Variants in FBXO7 observed in about 807,000 individuals in gnomAD.
The protein encoded by FBXO7 is F-box protein 7.
In FBXO7, 31 loss-of-function variants were observed where a neutral mutation model predicts 50.2. That is an observed-to-expected ratio of 0.62 (90% CI 0.46 to 0.83). FBXO7 has a LOEUF of 0.83. FBXO7 is among the 40% of genes least tolerant of loss of function. The probability of loss-of-function intolerance (pLI) is 0.00; values close to 1 mark genes in which losing one functional copy is unlikely to be tolerated. For synonymous variants in FBXO7, 256 were observed against 253.1 expected (o/e 1.01, Z -0.11); for missense variants, 667 against 646.6 (o/e 1.03, Z -0.34).
intron 4 of FBXO7, among the ~76,000 whole-genome samples, chr22:32,486,838 G>A (rs1406082724): frequency 6.6e-6 from 1 of 152,170 alleles, no homozygotes; most frequent in Non-Finnish European, 1.5e-5. Flanking sequence ...TACACAGAGT[G>A]TCAACAGTTT....
chr22:32,476,858 T>C (rs896891478), intron 1 of FBXO7, among the ~76,000 whole-genome samples: 1 of 152,220 alleles, frequency 6.6e-6, no homozygotes, highest in Non-Finnish European at 1.5e-5. Flanking sequence ...GGTAGAATCC[T>C]GGAAAACTAT....
intron 1 of FBXO7, 118 bp from the exon 2 acceptor site, chr22:32,478,863 T>C (rs1410563257): frequency 1.1e-5 from 11 of 1,001,130 alleles, no homozygotes; most frequent in Non-Finnish European, 1.7e-5. Flanking sequence ...TGAGACCTTG[T>C]CTCTTCATCA....
At chr22:32,485,874 T>G (rs2057495433) in intron 4 of FBXO7, among the ~76,000 whole-genome samples, 1 of 152,260 alleles carries the variant, frequency 6.6e-6, no homozygotes, top group South Asian at 2.1e-4. Context: ...CCTAGTGTTC[T>G]GTCATAATCA....
At chr22:32,488,390 T>G (rs1327935121) in intron 5 of FBXO7, 2 of 152,934 alleles carry the variant, frequency 1.3e-5, no homozygotes, top group African/African-American at 4.8e-5. Context: ...AAGACAGGTT[T>G]TCCCTTTTAT....
intron 1 of FBXO7, chr22:32,475,377 G>T (rs1455432568): frequency 3.7e-6 from 6 of 1,610,216 alleles, no homozygotes; most frequent in Non-Finnish European, 5.1e-6. Flanking sequence ...CCGGCCTCCC[G>T]GGGGCTCTGG....
In FBXO7 at chr22:32,493,177, T is replaced by C; in HGVS notation, c.1040T>C (p.Leu347Pro). 4.3e-6 allele frequency: 7 copies of C among 1,614,228 alleles called. No homozygotes were observed. The highest frequency in any genetic ancestry group is 5.9e-6 in the Non-Finnish European group (7 of 1,180,020). Residue 347 changes from leucine to proline, a missense_variant, in exon 7 of 9, where the codon CTG becomes CCG. Transcript: ENST00000266087. Reference sequence around the variant, plus strand: ...CTGAAACTACGGATCTTCCGACTTCTGGATGTTCGTTCCGTCTTGTCTTTG... The same window carrying C: ...CTGAAACTACGGATCTTCCGACTTCCGGATGTTCGTTCCGTCTTGTCTTTG... ...LELKLRIFRL[L>P]DVRSVLSLSA...
chr22:32,480,674 CT>C (rs369355883), intron 2 of FBXO7, among the ~76,000 whole-genome samples: 2,751 of 144,884 alleles, frequency 0.019, 76 homozygotes, highest in African/African-American at 0.058. Flanking sequence ...TTTTTCCCAC[CT>C]TTTTTTTTTT....
intron 3 of FBXO7, among the ~76,000 whole-genome samples, chr22:32,484,762 A>G (rs969637296): frequency 9.2e-5 from 14 of 152,244 alleles, no homozygotes; most frequent in African/African-American, 3.4e-4. Context: ...GGAGTTTTAA[A>G]TAATCATATG....
chr22:32,483,381 G>A (rs1037745887), intron 2 of FBXO7, among the ~76,000 whole-genome samples: 26 of 152,212 alleles, frequency 1.7e-4, no homozygotes, highest in African/African-American at 5.5e-4. Context: ...TTATGTTGGG[G>A]AGGTACTGGT....
Position 32,491,101 on chromosome 22 carries a change from A to G in FBXO7, c.887A>G (p.Asn296Ser). 4 of 1,612,864 alleles carry G rather than the reference A, an allele frequency of 2.5e-6. No homozygotes were observed. The highest frequency in any genetic ancestry group is 1.3e-5 in the African/African-American group (1 of 75,034). ...AATATTCTAGGGGAAAATGTAGCCAACATATACAAAGATCTTCAGAAACTC... is the reference window on the plus strand; with the variant it reads ...AATATTCTAGGGGAAAATGTAGCCAGCATATACAAAGATCTTCAGAAACTC... ...CKEKLGENVANIYKDLQKLSR... is the reference protein window; with the variant it reads ...CKEKLGENVASIYKDLQKLSR... The change falls in exon 6 of 9, where the codon AAC becomes AGC. Residue 296 changes from asparagine to serine, a missense_variant. Coordinates refer to ENST00000266087, the MANE Select transcript of FBXO7 (RefSeq NM_012179.4).
At chr22:32,484,275 C>T in intron 3 of FBXO7, 151 bp downstream of exon 3, 1 of 719,618 alleles carries the variant, frequency 1.4e-6, no homozygotes, top group Non-Finnish European at 2.5e-6. Context: ...GAGAAACATA[C>T]TCATATATAG....
In FBXO7 at chr22:32,485,243, A is replaced by G. The variant is rs776439086; in HGVS notation, c.787+34A>G. ...ATAGCATAGTCATGGTTGCTGGTTT[A>G]TGGATTCTTAGACGTTTCTTTCCAA... On this transcript the variant is annotated intron_variant, in intron 4 of 8. Transcript: ENST00000266087. The G allele has an allele frequency of 3.2e-5, 51 of 1,613,750 alleles. No homozygotes were observed. In the South Asian group the frequency reaches 5.5e-4, roughly 17 times the overall value.
intron 8 of FBXO7, 89 bp downstream of exon 8, chr22:32,495,619 T>G (rs1357167545): frequency 1.6e-6 from 1 of 622,222 alleles, no homozygotes; most frequent in Non-Finnish European, 2.6e-6. Flanking sequence ...CACTTTTATA[T>G]GATGTAGTGA....
At chr22:32,496,331 A>G (rs2146006794) in intron 8 of FBXO7, among the ~76,000 whole-genome samples, 1 of 152,140 alleles carries the variant, frequency 6.6e-6, no homozygotes, top group Middle Eastern at 3.4e-3. Flanking sequence ...AAATACAAAA[A>G]ATTAGCCGGA....
chr22:32,475,197 G>C, intron 1 of FBXO7, 73 bp downstream of exon 1: 1 of 1,513,706 alleles, frequency 6.6e-7, no homozygotes, highest in South Asian at 1.2e-5. Context: ...GCGGGTTGGC[G>C]TCATCTGTGG....
chr22:32,497,225 G>T (rs1568980705), intron 8 of FBXO7, among the ~76,000 whole-genome samples: 3 of 152,124 alleles, frequency 2.0e-5, no homozygotes, highest in African/African-American at 7.2e-5. Context: ...TTCTTTAGTG[G>T]TGATTTCTGA....
chr22:32,487,655 G>A, intron 4 of FBXO7, 90 bp from the exon 5 acceptor site: 1 of 787,418 alleles, frequency 1.3e-6, no homozygotes, highest in Non-Finnish European at 2.2e-6. Context: ...TAGTATATTA[G>A]GAGCTAGGAA....
chr22:32,493,946 G>C (rs1314533017), intron 7 of FBXO7, among the ~76,000 whole-genome samples: 1 of 151,492 alleles, frequency 6.6e-6, no homozygotes, highest in Non-Finnish European at 1.5e-5. Context: ...TTATAAAATA[G>C]GAGTAAACTT....
At chr22:32,492,295 C>T (rs2057543000) in intron 6 of FBXO7, 1 of 152,132 alleles carries the variant, frequency 6.6e-6, no homozygotes, top group Non-Finnish European at 1.5e-5. Flanking sequence ...CAGTAGTCTT[C>T]TCTGTAGTTG....
Sources: gnomAD v4.1 joint callset for allele counts (sites outside exome capture counted in the v4.1 genomes callset) on GRCh38, gnomAD v4.1.1 for gene constraint, MANE v1.5 for transcripts, NCBI Gene and HGNC (gene_info 2026-07-23, HGNC 2026-07-21) for gene names.